The following PPP2R1B variants were observed in gnomAD, a reference collection of about 807,000 sequenced individuals.
The protein encoded by PPP2R1B is protein phosphatase 2 scaffold subunit Abeta.
A neutral mutation model predicts 72.7 loss-of-function variants in PPP2R1B; 58 were observed. The ratio of observed to expected loss-of-function variants is 0.80; its 90% confidence interval spans 0.65 to 0.99. The LOEUF (loss-of-function observed/expected upper bound fraction) is 0.99, where lower values mean the gene tolerates loss of function less well. PPP2R1B is among the 50% of genes least tolerant of loss of function. The probability of loss-of-function intolerance (pLI) is 0.00; values close to 1 mark genes in which losing one functional copy is unlikely to be tolerated. For missense variants in PPP2R1B, 695 were observed against 733.6 expected (o/e 0.95, Z 0.61); for synonymous variants, 256 against 264.6 (o/e 0.97, Z 0.32).
chr11:111,743,830 G>C (rs1944608282), intron 11 of PPP2R1B, among the ~76,000 whole-genome samples: 2 of 152,204 alleles, frequency 1.3e-5, no homozygotes, highest in South Asian at 4.1e-4. Flanking sequence ...CAAGAAATAT[G>C]CTCTTATCAG....
Position 111,741,520 on chromosome 11 carries a change from T to C in PPP2R1B, c.*76A>G. 2 of 1,570,326 alleles carry C rather than the reference T, an allele frequency of 1.3e-6. No homozygotes were observed. The highest frequency in any genetic ancestry group is 1.7e-6 in the Non-Finnish European group (2 of 1,164,096). On this transcript the variant is annotated 3_prime_UTR_variant, in exon 15 of 15. Transcript: ENST00000527614. ...GATCTTGAAGGTTTTCCATTCTTTC[T>C]CCACCCAGTTAAGAACACATTGACT...
In PPP2R1B at chr11:111,766,255, T is replaced by A; in HGVS notation, c.107A>T (p.Asp36Val). 1 of 1,613,842 alleles carries A rather than the reference T, an allele frequency of 6.2e-7. No individual in the cohort carries two copies. The highest frequency in any genetic ancestry group is 8.5e-7 in the Non-Finnish European group (1 of 1,179,854). The change falls in exon 1 of 15, where the codon GAC becomes GTC. Residue 36 changes from aspartate to valine, a missense_variant. Physicochemically the swap from Asp to Val is radical, Grantham distance 152. Transcript: ENST00000527614. ...AVLIDELRNE[D>V]VQLRLNSIKK... ...CCGGCCTCAGTCCAGTACCTGCACG[T>A]CTTCATTGCGGAGCTCGTCGATTAA...
chr11:111,761,246 G>C (rs1555051360), intron 3 of PPP2R1B, 195 bp from the exon 4 acceptor site: 1 of 686,318 alleles, frequency 1.5e-6, no homozygotes, highest in East Asian at 2.8e-5. Context: ...GACTTCTGTA[G>C]AAAAGCCAAG....
chr11:111,744,979 G>C (rs912562230), intron 11 of PPP2R1B, among the ~76,000 whole-genome samples: 1 of 151,474 alleles, frequency 6.6e-6, no homozygotes, highest in Non-Finnish European at 1.5e-5. Flanking sequence ...CTTTGTCTTT[G>C]GCCCAAACCC....
intron 8 of PPP2R1B, 96 bp from the exon 9 acceptor site, chr11:111,753,673 C>G: frequency 7.3e-7 from 1 of 1,363,796 alleles, no homozygotes; most frequent in South Asian, 1.4e-5. Context: ...GTTGCCCAGG[C>G]TGGAGTGCAG....
intron 15 of PPP2R1B, chr11:111,727,169 T>G (rs935751360): frequency 1.2e-5 from 10 of 842,586 alleles, no homozygotes; most frequent in Admixed American, 6.3e-5. Flanking sequence ...TGCACTGCCT[T>G]CTGTCACCGT....
chr11:111,692,589 T>C, the PPP2R1B span, among the ~76,000 whole-genome samples: 1 of 152,032 alleles, frequency 6.6e-6, no homozygotes, highest in Admixed American at 6.6e-5. Context: ...TGCTATAAAG[T>C]GTTTAGATGG....
At chr11:111,726,171 G>A (rs568564717), downstream of PPP2R1B, 11 of 152,298 alleles carry the variant, frequency 7.2e-5, no homozygotes, top group Middle Eastern at 0.01. Flanking sequence ...TACTACAGAA[G>A]TGCTACAATA....
chr11:111,703,555 T>A, the PPP2R1B span: 1 of 718,026 alleles, frequency 1.4e-6, no homozygotes, highest in Non-Finnish European at 2.3e-6. Flanking sequence ...TCCCTATAGA[T>A]GACATCAGAC....
At chr11:111,733,403 A>G (rs561426), downstream of PPP2R1B, among the ~76,000 whole-genome samples, 138,717 of 152,172 alleles carry the variant, frequency 0.91, 64,573 homozygotes, top group East Asian at 1. Context: ...AAAGCTGGAT[A>G]AGCAGAAAAG....
downstream of PPP2R1B, among the ~76,000 whole-genome samples, chr11:111,735,818 CAG>C (rs1373276613): frequency 6.6e-6 from 1 of 152,220 alleles, no homozygotes; most frequent in Non-Finnish European, 1.5e-5. Flanking sequence ...GCACCCTAGA[CAG>C]TGAGGGGTTA....
chr11:111,744,854 TAAAC>T (rs1442978077), intron 11 of PPP2R1B, among the ~76,000 whole-genome samples: 1 of 152,138 alleles, frequency 6.6e-6, no homozygotes, highest in Non-Finnish European at 1.5e-5. Flanking sequence ...TATCAACACT[TAAAC>T]TGACAGTCTA....
chr11:111,690,245 A>C, the PPP2R1B span, among the ~76,000 whole-genome samples: 1 of 150,190 alleles, frequency 6.7e-6, no homozygotes, highest in Non-Finnish European at 1.5e-5. Flanking sequence ...GGCTGCCCTA[A>C]AATTGTCTTT....
the PPP2R1B span, chr11:111,720,760 A>C: frequency 6.3e-7 from 1 of 1,585,074 alleles, no homozygotes; most frequent in Non-Finnish European, 8.6e-7. Context: ...TCCCTCACCC[A>C]GGGTGAGCAC....
At chr11:111,764,940 A>T (rs781864961) in intron 2 of PPP2R1B, 35 bp from the exon 3 acceptor site, 2 of 1,609,198 alleles carry the variant, frequency 1.2e-6, no homozygotes, top group South Asian at 2.2e-5. Context: ...ATCAACATGG[A>T]TAGCTCTCCC....
At position 111,761,147 on chromosome 11, in the gene PPP2R1B, C is replaced by T. The variant is rs1591710889; in HGVS notation, c.307-96G>A. ...TTAAAGTGACTGAAGGGAGGTGGTACACGTAACCAGAATGTTAGCTGCATC... is the reference window on the plus strand; with the variant it reads ...TTAAAGTGACTGAAGGGAGGTGGTATACGTAACCAGAATGTTAGCTGCATC... On this transcript the variant is annotated intron_variant, in intron 3 of 14. Coordinates refer to ENST00000527614, the MANE Select transcript of PPP2R1B (RefSeq NM_002716.5). 5.8e-6 allele frequency: 6 copies of T among 1,034,478 alleles called. 1 individual carries two copies. In the East Asian group the frequency reaches 1.3e-4, roughly 22 times the overall value. 64.1% of individuals were successfully genotyped at this position (1,034,478 alleles called of 1,614,324 possible).
Position 111,741,381 on chromosome 11 carries a change from G to T in PPP2R1B, c.*215C>A. On this transcript the variant is annotated 3_prime_UTR_variant, in exon 15 of 15. Transcript: ENST00000527614. Reference sequence around the variant, plus strand: ...GTGTCAGGAATTGGTCAATAAGAACGGCTTAAATAATGATTTAACAAGGAA... The same window carrying T: ...GTGTCAGGAATTGGTCAATAAGAACTGCTTAAATAATGATTTAACAAGGAA... The T allele has an allele frequency of 7.2e-7, 1 of 1,383,002 alleles. No homozygotes were observed. Among genetic ancestry groups the T allele is most frequent in the South Asian group, 1.7e-5 (1 of 59,528 alleles). 85.7% of individuals were successfully genotyped at this position (1,383,002 alleles called of 1,614,324 possible). A position where few individuals can be genotyped will look rare whatever the true frequency, so the allele number is the denominator to read the frequency against.
At chr11:111,715,490 G>C in the PPP2R1B span, among the ~76,000 whole-genome samples, 1 of 152,302 alleles carries the variant, frequency 6.6e-6, no homozygotes, top group East Asian at 1.9e-4. Context: ...AGAGACTTCA[G>C]CTCTCCTTCC....
At chr11:111,709,191 CT>C in the PPP2R1B span, among the ~76,000 whole-genome samples, 1 of 152,196 alleles carries the variant, frequency 6.6e-6, no homozygotes, top group African/African-American at 2.4e-5. Flanking sequence ...AGCTGGCTGT[CT>C]TTTCACTGGC....
Sources: gnomAD v4.1 joint callset for allele counts (sites outside exome capture counted in the v4.1 genomes callset) on GRCh38, gnomAD v4.1.1 for gene constraint, MANE v1.5 for transcripts, NCBI Gene and HGNC (gene_info 2026-07-23, HGNC 2026-07-21) for gene names.